Variants in HCRTR2 observed in about 807,000 individuals in gnomAD.
The protein encoded by HCRTR2 is hypocretin receptor 2.
In HCRTR2, 22 loss-of-function variants were observed where a neutral mutation model predicts 49.0. The observed-to-expected ratio is 0.45, with a 90% CI of 0.32 to 0.64. The LOEUF (loss-of-function observed/expected upper bound fraction) is 0.64, where lower values mean the gene tolerates loss of function less well. HCRTR2 is among the 30% of genes least tolerant of loss of function. The pLI is 0.04. For synonymous variants in HCRTR2, 236 were observed against 205.3 expected (o/e 1.15, Z -1.28); for missense variants, 491 against 559.4 (o/e 0.88, Z 1.23).
intron 1 of HCRTR2, among the ~76,000 whole-genome samples, chr6:55,221,617 T>G (rs991262514): frequency 4.6e-5 from 7 of 151,924 alleles, no homozygotes; most frequent in Admixed American, 2.6e-4. Context: ...ATCGAGACCA[T>G]CCTGGCTAAC....
intron 1 of HCRTR2, among the ~76,000 whole-genome samples, chr6:55,145,757 C>T (rs530107182): frequency 6.6e-6 from 1 of 152,044 alleles, no homozygotes; most frequent in Non-Finnish European, 1.5e-5. Context: ...ACTTTCTCCC[C>T]TCACATGACA....
intron 4 of HCRTR2, among the ~76,000 whole-genome samples, chr6:55,270,907 C>T (rs569763394): frequency 9.7e-4 from 148 of 152,126 alleles, no homozygotes; most frequent in African/African-American, 3.5e-3. Context: ...GAAGGACTAC[C>T]TAAATTAAAA....
intron 1 of HCRTR2, among the ~76,000 whole-genome samples, chr6:55,177,120 G>C (rs1409930599): frequency 6.6e-6 from 1 of 152,130 alleles, no homozygotes; most frequent in Non-Finnish European, 1.5e-5. Context: ...CTACAGTAAG[G>C]CTACTTGTTT....
intron 1 of HCRTR2, among the ~76,000 whole-genome samples, chr6:55,224,610 G>A (rs1020777263): frequency 6.8e-6 from 1 of 147,366 alleles, no homozygotes; most frequent in Non-Finnish European, 1.5e-5. Context: ...GCTACAGAAC[G>A]AGACTCCGTC....
At chr6:55,198,680 G>A (rs538351367) in intron 1 of HCRTR2, among the ~76,000 whole-genome samples, 174 of 152,268 alleles carry the variant, frequency 1.1e-3, no homozygotes, top group African/African-American at 4.0e-3. Flanking sequence ...TCCAGAGTTT[G>A]TCCTGCTGCA....
At chr6:55,274,412 A>C (rs1767040007) in intron 4 of HCRTR2, among the ~76,000 whole-genome samples, 1 of 150,284 alleles carries the variant, frequency 6.7e-6, no homozygotes, top group African/African-American at 2.4e-5. Context: ...TTTTCCATTT[A>C]TTGCTAGTAT....
intron 2 of HCRTR2, among the ~76,000 whole-genome samples, 188 bp downstream of exon 2, chr6:55,249,005 C>T (rs977123486): frequency 6.6e-6 from 1 of 152,108 alleles, no homozygotes; most frequent in African/African-American, 2.4e-5. Context: ...AAGCAATGAA[C>T]TGCCAAATCA....
rs79541054 is a variant in HCRTR2 at position 55,182,900 on chromosome 6, C to T, written c.223+8090C>T. Among the ~76,000 whole-genome samples, 752 of 152,202 alleles carry T rather than the reference C, an allele frequency of 4.9e-3. 5 individuals are homozygous for T. The highest frequency in any genetic ancestry group is 0.017 in the African/African-American group (694 of 41,520). ...GATGGTGATGTCTCTGTCACAGAAT[C>T]TATATAATAGTTAAAAGTATTTTTA... On this transcript the variant is annotated intron_variant, in intron 1 of 6. Transcript: ENST00000370862.
intron 1 of HCRTR2, among the ~76,000 whole-genome samples, chr6:55,161,161 A>G (rs60881554): frequency 0.013 from 1,986 of 152,286 alleles, 48 homozygotes; most frequent in African/African-American, 0.045. Context: ...ATCAAATAAG[A>G]GCTCTGGAAT....
chr6:55,138,004 C>T (rs1764455272), intron 1 of HCRTR2, among the ~76,000 whole-genome samples: 1 of 152,130 alleles, frequency 6.6e-6, no homozygotes, highest in African/African-American at 2.4e-5. Flanking sequence ...AAATGCAAGA[C>T]TTGCATACAG....
intron 1 of HCRTR2, among the ~76,000 whole-genome samples, chr6:55,226,711 G>GTTTTTTT (rs777871106): frequency 3.2e-4 from 24 of 74,292 alleles, no homozygotes; most frequent in African/African-American, 1.2e-3. Context: ...AATTCCAGGT[G>GTTTTTTT]TTTTTTTTTT....
At chr6:55,259,242 C>T (rs1766709933) in intron 3 of HCRTR2, among the ~76,000 whole-genome samples, 1 of 150,910 alleles carries the variant, frequency 6.6e-6, no homozygotes, top group East Asian at 1.9e-4. Context: ...AAAATGGAAC[C>T]ATTTTTACAG....
At chr6:55,124,615 T>G (rs1561979128) in intron 1 of HCRTR2, among the ~76,000 whole-genome samples, 1 of 152,182 alleles carries the variant, frequency 6.6e-6, no homozygotes, top group African/African-American at 2.4e-5. Flanking sequence ...GTTCTGTAGA[T>G]GTCTATTAAT....
chr6:55,191,568 G>C (rs1173629069), intron 1 of HCRTR2, among the ~76,000 whole-genome samples: 3 of 152,096 alleles, frequency 2.0e-5, no homozygotes, highest in Non-Finnish European at 4.4e-5. Context: ...TGCTGATTTA[G>C]TCCTAGTATC....
intron 1 of HCRTR2, among the ~76,000 whole-genome samples, chr6:55,197,872 C>T (rs188789517): frequency 3.9e-5 from 6 of 152,256 alleles, no homozygotes; most frequent in East Asian, 1.9e-4. Flanking sequence ...CTGCCTGCCT[C>T]GGCCTCCCAA....
In HCRTR2 at chr6:55,265,344, T is replaced by C. The variant is rs557555208; in HGVS notation, c.762+1522T>C. Among the ~76,000 whole-genome samples the C allele has an allele frequency of 3.3e-5, 5 of 152,170 alleles. No individual in the cohort carries two copies. In the South Asian group the frequency reaches 1.0e-3, roughly 32 times the overall value. ...GTTTTGCTAGGTTATTATTCTTCTATTAAAAAATGTGGTTTGCAACAACAG... is the reference window on the plus strand; with the variant it reads ...GTTTTGCTAGGTTATTATTCTTCTACTAAAAAATGTGGTTTGCAACAACAG... On this transcript the variant is annotated intron_variant, in intron 4 of 6. Coordinates refer to ENST00000370862, the MANE Select transcript of HCRTR2 (RefSeq NM_001384272.1).
chr6:55,216,444 A>G (rs994712476), intron 1 of HCRTR2, among the ~76,000 whole-genome samples: 2 of 152,182 alleles, frequency 1.3e-5, no homozygotes, highest in Non-Finnish European at 2.9e-5. Flanking sequence ...TCAGTTGTGA[A>G]ATCAAAACAA....
intron 1 of HCRTR2, among the ~76,000 whole-genome samples, chr6:55,163,271 A>C (rs567058389): frequency 1.1e-4 from 17 of 151,756 alleles, no homozygotes; most frequent in Admixed American, 1.1e-3. Context: ...AAAAAAAAAA[A>C]CTACCTTAAA....
At chr6:55,183,122 C>T (rs1348113735) in intron 1 of HCRTR2, among the ~76,000 whole-genome samples, 1 of 152,116 alleles carries the variant, frequency 6.6e-6, no homozygotes, top group Non-Finnish European at 1.5e-5. Flanking sequence ...AACCTGCACT[C>T]TTTTTGAAAG....
Sources: allele counts gnomAD v4.1 joint callset (sites outside exome capture counted in the v4.1 genomes callset), GRCh38; gene constraint gnomAD v4.1.1; transcripts MANE v1.5; gene names NCBI Gene and HGNC (gene_info 2026-07-23, HGNC 2026-07-21).